The following TTK variants were observed in gnomAD, a reference collection of about 807,000 sequenced individuals.
TTK encodes dual specificity protein kinase TTK.
A neutral mutation model predicts 117.3 loss-of-function variants in TTK; 59 were observed. The observed-to-expected ratio is 0.50, with a 90% CI of 0.41 to 0.62. The LOEUF is 0.62. TTK is among the 20% of genes least tolerant of loss of function. The pLI is 0.00. For synonymous variants in TTK, 302 were observed against 325.0 expected (o/e 0.93, Z 0.76); for missense variants, 921 against 989.4 (o/e 0.93, Z 0.93).
At chr6:80,010,778 C>T (rs1213096074) in intron 4 of TTK, 36 bp from the exon 5 acceptor site, 5 of 1,034,110 alleles carry the variant, frequency 4.8e-6, no homozygotes, top group Admixed American at 2.6e-5. Context: ...GGGCATTTTA[C>T]TGCCTAAAAA....
Position 80,028,029 on chromosome 6 carries a change from T to C in TTK, c.1521+18T>C. ...ATTTACAGGTTCGATAAGCTTTATA[T>C]ATGATGGTATATGTTAAGATACAGT... On this transcript the variant is annotated intron_variant, in intron 13 of 21. Coordinates refer to ENST00000369798, the MANE Select transcript of TTK (RefSeq NM_003318.5). 1 of 1,580,744 alleles carries C rather than the reference T, an allele frequency of 6.3e-7. No homozygotes were observed. Among genetic ancestry groups the C allele is most frequent in the Non-Finnish European group, 8.6e-7 (1 of 1,165,670 alleles).
At chr6:80,016,234 C>T (rs1314736136) in intron 10 of TTK, among the ~76,000 whole-genome samples, 1 of 151,950 alleles carries the variant, frequency 6.6e-6, no homozygotes, top group Non-Finnish European at 1.5e-5. Context: ...GAGTGTATTC[C>T]AAGAGTGGGA....
At chr6:80,010,227 G>T (rs1767105414) in intron 4 of TTK, among the ~76,000 whole-genome samples, 1 of 151,912 alleles carries the variant, frequency 6.6e-6, no homozygotes, top group Admixed American at 6.6e-5. Flanking sequence ...AGGTAATTAT[G>T]ATAGTTCCTC....
rs939155422 is a variant in TTK, at chr6:80,026,596, T to C, written c.1394+82T>C. 7 of 1,556,588 alleles carry C rather than the reference T, an allele frequency of 4.5e-6. No individual in the cohort carries two copies. The Admixed American group carries it at 1.2e-4, about 27-fold the overall frequency. ...GCTTCTGGGCCAAATAAATCTGGGA[T>C]TAAATCCTGCTCTTTTACTTTAAAG... On this transcript the variant is annotated intron_variant, in intron 12 of 21. Coordinates refer to ENST00000369798, the MANE Select transcript of TTK (RefSeq NM_003318.5).
chr6:80,018,584 A>G (rs1317910968), intron 10 of TTK, among the ~76,000 whole-genome samples: 2 of 149,440 alleles, frequency 1.3e-5, no homozygotes, highest in African/African-American at 5.0e-5. Context: ...AGATCCTGCC[A>G]TTACACTCCA....
intron 13 of TTK, among the ~76,000 whole-genome samples, chr6:80,030,954 A>G (rs1395308514): frequency 6.6e-6 from 1 of 151,826 alleles, no homozygotes; most frequent in Non-Finnish European, 1.5e-5. Flanking sequence ...GCTGAGGAGA[A>G]GAATCGCTTG....
chr6:80,035,862 C>T (rs1767894059), intron 16 of TTK, among the ~76,000 whole-genome samples: 1 of 151,810 alleles, frequency 6.6e-6, no homozygotes, highest in African/African-American at 2.4e-5. Flanking sequence ...TTTTACTTGT[C>T]CTTGGTTCTT....
intron 13 of TTK, 55 bp downstream of exon 13, chr6:80,028,066 C>T (rs1438835386): frequency 3.3e-5 from 48 of 1,466,604 alleles, no homozygotes; most frequent in Non-Finnish European, 4.2e-5. Context: ...CGTTTTACAG[C>T]TTTTATTTTT....
intron 14 of TTK, 108 bp from the exon 15 acceptor site, chr6:80,034,877 A>G (rs111799792): frequency 1.0e-6 from 1 of 959,558 alleles, no homozygotes; most frequent in Non-Finnish European, 1.4e-6. Context: ...TGTTCATGTC[A>G]GTATTTCCTT....
chr6:80,040,248 C>T lies in TTK; in HGVS notation c.2360C>T (p.Ala787Val). The T allele has an allele frequency of 6.3e-7, 1 of 1,592,766 alleles. No homozygotes were observed. Among genetic ancestry groups the T allele is most frequent in the South Asian group, 1.2e-5 (1 of 86,226 alleles). ...KQRISIPELL[A>V]HPYVQIQTHP... is the part of the protein sequence containing the mutation. ...AGGATATCCATTCCTGAGCTCCTGGCTCATCCATATGTTCAAATTCAAACT... is the reference window on the plus strand; with the variant it reads ...AGGATATCCATTCCTGAGCTCCTGGTTCATCCATATGTTCAAATTCAAACT... Residue 787 changes from alanine (A) to valine (V), a missense_variant, in exon 20 of 22, where the codon GCT (alanine) becomes GTT (valine). Coordinates refer to ENST00000369798, the MANE Select transcript of TTK (RefSeq NM_003318.5).
chr6:80,030,965 A>T (rs1400610449), intron 13 of TTK, among the ~76,000 whole-genome samples: 1 of 151,226 alleles, frequency 6.6e-6, no homozygotes, highest in Non-Finnish European at 1.5e-5. Flanking sequence ...GAATCGCTTG[A>T]TCCTGGGAGG....
At chr6:80,006,070 T>A in intron 2 of TTK, 88 bp downstream of exon 2, 1 of 1,497,678 alleles carries the variant, frequency 6.7e-7, no homozygotes. Flanking sequence ...TATTTATAAT[T>A]TACTCATGTG....
In TTK at chr6:80,042,192, G is replaced by GA; in HGVS notation, c.2571dup (p.Ter858MetfsTer7). ...TCCAAGACTTTTGAAAAAAAAAGGG[G>GA]AAAAAAATGATTTGCAGTTATTCGT... On this transcript the variant is annotated frameshift_variant, in exon 22 of 22. Coordinates refer to ENST00000369798, the MANE Select transcript of TTK (RefSeq NM_003318.5). LOFTEE classifies it high-confidence loss of function. The GA allele has an allele frequency of 1.3e-6, 2 of 1,594,116 alleles. No individual in the cohort carries two copies. Among genetic ancestry groups the GA allele is most frequent in the South Asian group, 1.1e-5 (1 of 88,308 alleles).
intron 11 of TTK, among the ~76,000 whole-genome samples, chr6:80,025,167 A>G (rs1227393113): frequency 3.3e-5 from 5 of 151,994 alleles, no homozygotes; most frequent in African/African-American, 7.2e-5. Context: ...CTAACATTCC[A>G]CTCTATGATC....
At chr6:80,040,377 C>T (rs1768015822) in intron 20 of TTK, 97 bp downstream of exon 20, 7 of 1,057,562 alleles carry the variant, frequency 6.6e-6, no homozygotes, top group Non-Finnish European at 9.3e-6. Context: ...ATTGGCTACC[C>T]TTTGTCAGCC....
In TTK at chr6:80,005,908, A is replaced by G. The variant is rs1766980027; in HGVS notation, c.65A>G (p.Asp22Gly). The change falls in exon 2 of 22, where the codon GAC (aspartate) becomes GGC (glycine). Residue 22 changes from aspartate (D) to glycine (G), a missense_variant. By Grantham distance (94) the Asp-to-Gly change is moderately conservative (BLOSUM62 -1). Transcript: ENST00000369798. ...TIDSIMNKVR[D>G]IKNKFKNEDL... ...GATTCCATAATGAACAAAGTGAGAG[A>G]CATTAAAAATAAGTTTAAAAATGAA... 1 of 1,612,828 alleles carries G rather than the reference A, an allele frequency of 6.2e-7. No homozygotes were observed. Among genetic ancestry groups the G allele is most frequent in the Non-Finnish European group, 8.5e-7 (1 of 1,179,658 alleles).
intron 13 of TTK, among the ~76,000 whole-genome samples, chr6:80,028,571 G>A (rs1013081283): frequency 6.6e-6 from 1 of 151,982 alleles, no homozygotes; most frequent in South Asian, 2.1e-4. Flanking sequence ...GCCCGCCTCA[G>A]CCCCCCAAAG....
intron 9 of TTK, 53 bp downstream of exon 9, chr6:80,013,419 T>C: frequency 7.0e-7 from 1 of 1,429,472 alleles, no homozygotes; most frequent in South Asian, 1.2e-5. Context: ...TCTGGGAGGA[T>C]CAGTATTCAT....
At position 80,007,991 on chromosome 6, in the gene TTK, A is replaced by ACCGC; in HGVS notation, c.322_323insCCGC (p.Ser108ThrfsTer5). 9 of 1,591,554 alleles carry ACCGC rather than the reference A, an allele frequency of 5.7e-6. No homozygotes were observed. The highest frequency in any genetic ancestry group is 6.9e-6 in the Non-Finnish European group (8 of 1,159,966). On this transcript the variant is annotated frameshift_variant, in exon 3 of 22. Coordinates refer to ENST00000369798, the MANE Select transcript of TTK (RefSeq NM_003318.5). LOFTEE classifies it high-confidence loss of function. ...CCCAGATAAATATGGCCAAAATGAG[A>ACCGC]GTTTTGCTAGAATTCAAGTGAGATT...
Sources: allele counts gnomAD v4.1 joint callset (sites outside exome capture counted in the v4.1 genomes callset), GRCh38; gene constraint gnomAD v4.1.1; transcripts MANE v1.5; gene names NCBI Gene and HGNC (gene_info 2026-07-23, HGNC 2026-07-21).